GALNT14: variants seen among roughly 807,000 people sequenced by gnomAD.
GALNT14 encodes polypeptide N-acetylgalactosaminyltransferase 14.
In GALNT14, 60 loss-of-function variants were observed where a neutral mutation model predicts 77.5. The observed-to-expected ratio is 0.77, with a 90% CI of 0.63 to 0.96. The LOEUF is 0.96. Ranked by LOEUF, GALNT14 falls within the 40% of genes least tolerant of loss-of-function variation. The probability of loss-of-function intolerance (pLI) is 0.00; values close to 1 mark genes in which losing one functional copy is unlikely to be tolerated. For synonymous variants in GALNT14, 280 were observed against 281.7 expected, an observed-to-expected ratio of 0.99 and a Z score of 0.06; for missense variants, 710 against 731.0, an observed-to-expected ratio of 0.97 and a Z score of 0.33.
At chr2:31,130,784 G>GTGTGTGTGCA (rs57066682) in intron 1 of GALNT14, among the ~76,000 whole-genome samples, 15 of 125,040 alleles carry the variant, frequency 1.2e-4, no homozygotes, top group African/African-American at 6.1e-4. Context: ...GTGTGTGTGT[G>GTGTGTGTGCA]CGCGCGCACC....
intron 1 of GALNT14, among the ~76,000 whole-genome samples, chr2:31,057,628 A>G (rs993334029): frequency 6.6e-6 from 1 of 151,948 alleles, no homozygotes; most frequent in African/African-American, 2.4e-5. Flanking sequence ...CCAGCCTGAA[A>G]TCACCATGTG....
intron 1 of GALNT14, among the ~76,000 whole-genome samples, chr2:31,067,320 C>T (rs1000013900): frequency 6.6e-6 from 1 of 152,134 alleles, no homozygotes; most frequent in Admixed American, 6.5e-5. Context: ...CATGTCCCCA[C>T]GGGGGCCAAA....
At chr2:30,982,471 C>T (rs1669048823) in intron 2 of GALNT14, among the ~76,000 whole-genome samples, 1 of 152,196 alleles carries the variant, frequency 6.6e-6, no homozygotes. Context: ...TAAAGGAATA[C>T]TACACAGCAA....
chr2:31,033,315 C>G (rs1307731920), intron 1 of GALNT14, among the ~76,000 whole-genome samples: 1 of 152,148 alleles, frequency 6.6e-6, no homozygotes, highest in Non-Finnish European at 1.5e-5. Flanking sequence ...TTCCTAGTGG[C>G]TTTCCTCATG....
chr2:31,076,053 C>T (rs866553356), intron 1 of GALNT14, among the ~76,000 whole-genome samples: 2 of 152,286 alleles, frequency 1.3e-5, no homozygotes, highest in Middle Eastern at 3.4e-3. Flanking sequence ...TGTCTTAACT[C>T]GAGCAGACAC....
chr2:30,966,213 G>C lies in GALNT14; in HGVS notation c.389C>G (p.Thr130Ser). The C allele has an allele frequency of 6.2e-7, 1 of 1,613,928 alleles. No homozygotes were observed. Among genetic ancestry groups the C allele is most frequent in the Non-Finnish European group, 8.5e-7 (1 of 1,179,820 alleles). Residue 130 changes from threonine to serine, a missense_variant, in exon 3 of 15, where the codon ACC becomes AGC. Physicochemically the swap from Thr to Ser is moderately conservative, Grantham distance 58. Transcript: ENST00000349752. ...HNEARSTLLR[T>S]IRSVLNRTPT... Reference sequence around the variant, plus strand: ...AGCAAGGATGCCTCACCTGCGGATGGTCCTGAGCAGCGTGGAGCGGGCCTC... The same window carrying C: ...AGCAAGGATGCCTCACCTGCGGATGCTCCTGAGCAGCGTGGAGCGGGCCTC...
intron 8 of GALNT14, 42 bp downstream of exon 8, chr2:30,944,815 TG>T: frequency 6.9e-7 from 1 of 1,453,924 alleles, no homozygotes; most frequent in Non-Finnish European, 9.4e-7. Flanking sequence ...CAGGATCCAG[TG>T]GTGATGGTCT....
At chr2:30,988,157 C>A (rs1669434635) in intron 2 of GALNT14, among the ~76,000 whole-genome samples, 1 of 152,198 alleles carries the variant, frequency 6.6e-6, no homozygotes, top group Non-Finnish European at 1.5e-5. Context: ...GGGTTACCCT[C>A]CCTTTCATTT....
intron 13 of GALNT14, among the ~76,000 whole-genome samples, chr2:30,918,694 T>G (rs1277221880): frequency 1.1e-4 from 9 of 79,442 alleles, no homozygotes; most frequent in Admixed American, 3.0e-4. Context: ...GCAGGGAGGA[T>G]GGCATCGGGC....
chr2:31,129,959 G>T (rs936804688), intron 1 of GALNT14, among the ~76,000 whole-genome samples: 7 of 152,160 alleles, frequency 4.6e-5, no homozygotes, highest in African/African-American at 1.7e-4. Context: ...GGTTGCAAGA[G>T]CAGGATCATT....
At chr2:31,034,816 CTG>C (rs1168963923) in intron 1 of GALNT14, among the ~76,000 whole-genome samples, 2 of 152,124 alleles carry the variant, frequency 1.3e-5, no homozygotes, top group African/African-American at 4.8e-5. Flanking sequence ...TTGTCTCAGA[CTG>C]TTTTCTAATT....
At position 30,963,782 on chromosome 2, in the gene GALNT14, A is replaced by G. The variant is rs952906416; in HGVS notation, c.398+2422T>C. Among the ~76,000 whole-genome samples the G allele has an allele frequency of 2.0e-5, 3 of 152,316 alleles. No individual in the cohort carries two copies. The East Asian group carries it at 5.8e-4, about 29-fold the overall frequency. The stretch of plus-strand genomic sequence containing the variant: ...CAGGTCTTCTGACTCCAAGTGTGGT[A>G]CCCTTTTAAGTATCCCATAGCCTCC... On this transcript the variant is annotated intron_variant, in intron 3 of 14. Coordinates refer to ENST00000349752, the MANE Select transcript of GALNT14 (RefSeq NM_024572.4).
intron 1 of GALNT14, among the ~76,000 whole-genome samples, chr2:31,069,955 C>T (rs1454098022): frequency 1.3e-5 from 2 of 152,098 alleles, no homozygotes; most frequent in Admixed American, 1.3e-4. Context: ...TCAAAGCTGG[C>T]CTGGACCGAG....
intron 1 of GALNT14, among the ~76,000 whole-genome samples, chr2:31,096,935 T>A (rs13003016): frequency 0.53 from 81,142 of 151,940 alleles, 22,297 homozygotes; most frequent in African/African-American, 0.63. Context: ...ATTCCCATCC[T>A]CTAATCGCGT....
chr2:31,090,390 C>G (rs1341962256), intron 1 of GALNT14, among the ~76,000 whole-genome samples: 2 of 150,784 alleles, frequency 1.3e-5, no homozygotes, highest in East Asian at 4.0e-4. Context: ...TGAATGGCTT[C>G]TTAGACGTTA....
chr2:31,040,251 T>A (rs1301080301), intron 1 of GALNT14, among the ~76,000 whole-genome samples: 1 of 152,218 alleles, frequency 6.6e-6, no homozygotes, highest in Non-Finnish European at 1.5e-5. Context: ...TGTTTTACAT[T>A]ACTGAAAGAG....
At chr2:31,007,460 G>C (rs941370305) in intron 1 of GALNT14, among the ~76,000 whole-genome samples, 6 of 152,158 alleles carry the variant, frequency 3.9e-5, no homozygotes, top group Non-Finnish European at 7.4e-5. Flanking sequence ...AATCATTCTT[G>C]TCCATTCATC....
At chr2:30,950,420 A>C (rs779708515) in intron 6 of GALNT14, among the ~76,000 whole-genome samples, 8 of 152,202 alleles carry the variant, frequency 5.3e-5, no homozygotes, top group Non-Finnish European at 1.2e-4. Flanking sequence ...TCTCTTTCTT[A>C]TCTCTTTCTA....
intron 1 of GALNT14, among the ~76,000 whole-genome samples, chr2:31,132,395 T>A (rs1489400719): frequency 2.6e-5 from 4 of 152,136 alleles, no homozygotes; most frequent in African/African-American, 4.8e-5. Flanking sequence ...TATTTCTCAG[T>A]CACTCACAAG....
Sources: gnomAD v4.1 joint callset for allele counts (sites outside exome capture counted in the v4.1 genomes callset) on GRCh38, gnomAD v4.1.1 for gene constraint, MANE v1.5 for transcripts, NCBI Gene and HGNC (gene_info 2026-07-23, HGNC 2026-07-21) for gene names.